The following CLTCL1 variants were observed in gnomAD, a reference collection of about 807,000 sequenced individuals.
CLTCL1 encodes the protein clathrin heavy chain 2.
A neutral mutation model predicts 190.0 loss-of-function variants in CLTCL1; 159 were observed. The ratio of observed to expected loss-of-function variants is 0.84; its 90% CI spans 0.74 to 0.95. The LOEUF is 0.95. CLTCL1 is among the 40% of genes least tolerant of loss of function. The pLI is 0.00. For missense variants in CLTCL1, 1,878 were observed against 2,033.4 expected, an observed-to-expected ratio of 0.92 and a Z score of 1.47; for synonymous variants, 752 against 769.6, an observed-to-expected ratio of 0.98 and a Z score of 0.38.
intron 14 of CLTCL1, among the ~76,000 whole-genome samples, chr22:19,223,385 T>C (rs549287739): frequency 5.2e-4 from 79 of 152,148 alleles, no homozygotes; most frequent in Middle Eastern, 3.4e-3. Flanking sequence ...AAACCACCTA[T>C]GCTGGTTCCT....
At chr22:19,265,875 T>G (rs1489013866) in intron 2 of CLTCL1, among the ~76,000 whole-genome samples, 2 of 152,132 alleles carry the variant, frequency 1.3e-5, no homozygotes, top group Non-Finnish European at 2.9e-5. Context: ...TAACAAATCT[T>G]ATTTATTTAT....
At chr22:19,211,755 A>G (rs1357545195) in intron 19 of CLTCL1, among the ~76,000 whole-genome samples, 1 of 147,578 alleles carries the variant, frequency 6.8e-6, no homozygotes, top group Non-Finnish European at 1.5e-5. Flanking sequence ...CGACAGAGCA[A>G]GATTGCATCT....
intron 1 of CLTCL1, 96 bp downstream of exon 1, chr22:19,291,504 C>CG: frequency 8.9e-7 from 1 of 1,128,844 alleles, no homozygotes; most frequent in Middle Eastern, 3.2e-4. Flanking sequence ...AGCTGGGCAG[C>CG]GGCTCAGCGG....
At chr22:19,246,977 C>T (rs2086439081) in intron 3 of CLTCL1, among the ~76,000 whole-genome samples, 1 of 152,114 alleles carries the variant, frequency 6.6e-6, no homozygotes, top group Admixed American at 6.6e-5. Flanking sequence ...TCCTTTTATG[C>T]ACAAAAGTTT....
Position 19,240,251 on chromosome 22 carries a change from C to G in CLTCL1, c.682-863G>C, listed in dbSNP as rs555058900. ...ATGCTGGGATTACAGGCACGAGCCA[C>G]CACGCCCAGCCACCATAACTTTCAT... On this transcript the variant is annotated intron_variant, in intron 4 of 32. Transcript: ENST00000427926. Among the ~76,000 whole-genome samples the G allele has an allele frequency of 2.0e-5, 3 of 152,196 alleles. No homozygotes were observed. The South Asian group carries it at 6.2e-4, about 32-fold the overall frequency.
intron 3 of CLTCL1, among the ~76,000 whole-genome samples, chr22:19,243,697 C>CTTTTTTT (rs1175325908): frequency 4.5e-4 from 49 of 107,890 alleles, no homozygotes; most frequent in African/African-American, 5.4e-4. Flanking sequence ...TTCTTTCTTT[C>CTTTTTTT]TTTTTTTTTT....
At chr22:19,235,211 C>T (rs115280953) in intron 6 of CLTCL1, among the ~76,000 whole-genome samples, 1 of 151,926 alleles carries the variant, frequency 6.6e-6, no homozygotes, top group African/African-American at 2.4e-5. Context: ...ACTGTTTCAC[C>T]CAGGCTGGAG....
At chr22:19,238,063 T>TTTTTTA (rs1228886893) in intron 5 of CLTCL1, among the ~76,000 whole-genome samples, 17 of 148,214 alleles carry the variant, frequency 1.1e-4, no homozygotes, top group African/African-American at 4.2e-4. Context: ...AATTGTAAGA[T>TTTTTTA]TTTTTATTTT....
At chr22:19,264,899 C>T (rs1030704967) in intron 2 of CLTCL1, among the ~76,000 whole-genome samples, 31 of 152,022 alleles carry the variant, frequency 2.0e-4, no homozygotes, top group African/African-American at 6.0e-4. Flanking sequence ...AGTGATTGTC[C>T]TCCTTCAGCG....
intron 3 of CLTCL1, among the ~76,000 whole-genome samples, chr22:19,246,170 C>T (rs2145991114): frequency 6.6e-6 from 1 of 152,198 alleles, no homozygotes; most frequent in South Asian, 2.1e-4. Context: ...CGCAATTCTC[C>T]TGCCTCAGCC....
chr22:19,202,282 A>G (rs540089959), intron 22 of CLTCL1, among the ~76,000 whole-genome samples: 50 of 152,180 alleles, frequency 3.3e-4, no homozygotes, highest in African/African-American at 1.1e-3. Context: ...AAACACAGAC[A>G]GCAGAACCCC....
chr22:19,218,518 A>T (rs907325794), intron 18 of CLTCL1, among the ~76,000 whole-genome samples: 1 of 152,232 alleles, frequency 6.6e-6, no homozygotes, highest in African/African-American at 2.4e-5. Context: ...GTAGAGATAA[A>T]GGTCAAATCC....
In CLTCL1 at chr22:19,291,676, C is replaced by A; in HGVS notation, c.-35G>T. ...GGGACCTCGGCGGCGGCGGCGGCAG[C>A]GGCAGGAATGAACGCCGACCCCTCG... On this transcript the variant is annotated 5_prime_UTR_variant, in exon 1 of 33. Transcript: ENST00000427926. The A allele has an allele frequency of 7.4e-7, 1 of 1,348,696 alleles. No individual in the cohort carries two copies. Among genetic ancestry groups the A allele is most frequent in the South Asian group, 1.8e-5 (1 of 54,618 alleles). 83.5% of individuals were successfully genotyped at this position (1,348,696 alleles called of 1,614,324 possible).
chr22:19,262,898 G>A (rs967274829), intron 2 of CLTCL1, among the ~76,000 whole-genome samples: 14 of 151,810 alleles, frequency 9.2e-5, no homozygotes, highest in Non-Finnish European at 1.5e-4. Flanking sequence ...GGGCGTGGTC[G>A]CACGTGCTTG....
chr22:19,180,316 C>G (rs2146168984), intron 31 of CLTCL1, 78 bp from the exon 32 acceptor site: 2 of 1,436,908 alleles, frequency 1.4e-6, no homozygotes, highest in Non-Finnish European at 2.0e-6. Flanking sequence ...GTGCTGCACA[C>G]TCACACCACA....
At chr22:19,264,247 TA>T (rs34703407) in intron 2 of CLTCL1, among the ~76,000 whole-genome samples, 11,254 of 137,150 alleles carry the variant, frequency 0.082, 452 homozygotes, top group Middle Eastern at 0.18. Context: ...TACAGTCTCT[TA>T]AAAAAAAAAA....
chr22:19,183,617 G>T lies in CLTCL1; in HGVS notation c.4606-6C>A, dbSNP rs781813020. On this transcript the variant is annotated splice_region_variant and splice_polypyrimidine_tract_variant and intron_variant, in intron 29 of 32. Coordinates refer to ENST00000427926, the MANE Select transcript of CLTCL1 (RefSeq NM_007098.4). ...GCAGCATGCTGCATGGCATCCTGCAGCCAAGGCAAATGCTTGCTTGGGCAT... is the reference window on the plus strand; with the variant it reads ...GCAGCATGCTGCATGGCATCCTGCATCCAAGGCAAATGCTTGCTTGGGCAT... 1.9e-6 allele frequency: 3 copies of T among 1,613,172 alleles called. No individual in the cohort carries two copies. Among genetic ancestry groups the T allele is most frequent in the East Asian group, 4.5e-5 (2 of 44,880 alleles).
intron 3 of CLTCL1, among the ~76,000 whole-genome samples, chr22:19,248,212 G>A (rs1023477042): frequency 2.3e-4 from 35 of 151,926 alleles, no homozygotes; most frequent in African/African-American, 7.5e-4. Context: ...CAGTAGAATC[G>A]CTTGAACCCG....
intron 30 of CLTCL1, 192 bp downstream of exon 30, chr22:19,183,198 A>T: frequency 3.5e-6 from 2 of 578,962 alleles, no homozygotes; most frequent in South Asian, 4.0e-5. Flanking sequence ...GATTTTCTGG[A>T]GGGGCTTAAC....
Sources: gnomAD v4.1 joint callset for allele counts (sites outside exome capture counted in the v4.1 genomes callset) on GRCh38, gnomAD v4.1.1 for gene constraint, MANE v1.5 for transcripts, NCBI Gene and HGNC (gene_info 2026-07-23, HGNC 2026-07-21) for gene names.